SLC4A10: variants seen among roughly 807,000 people sequenced by gnomAD.
SLC4A10 encodes the protein solute carrier family 4 member 10.
Under a neutral mutation model 137.7 loss-of-function variants are expected in SLC4A10, and 42 were observed. The observed-to-expected ratio is 0.30, with a 90% CI of 0.24 to 0.39. The LOEUF (loss-of-function observed/expected upper bound fraction) is 0.39. Ranked by LOEUF, SLC4A10 falls within the 10% of genes least tolerant of loss-of-function variation. The pLI, the probability that SLC4A10 is intolerant of heterozygous loss-of-function variation, is 1.00. For missense variants in SLC4A10, 925 were observed against 1,355.0 expected (o/e 0.68, Z 4.98); for synonymous variants, 474 against 464.1 (o/e 1.02, Z -0.27).
chr2:161,925,743 T>G (rs1688955590), intron 15 of SLC4A10, among the ~76,000 whole-genome samples: 1 of 152,174 alleles, frequency 6.6e-6, no homozygotes, highest in Admixed American at 6.5e-5. Context: ...GAGATTCTGG[T>G]ATGTTGTGTC....
chr2:161,726,057 G>A (rs1029563775), intron 1 of SLC4A10, among the ~76,000 whole-genome samples: 2 of 152,106 alleles, frequency 1.3e-5, no homozygotes, highest in Admixed American at 1.3e-4. Flanking sequence ...TAAATGATTA[G>A]TAAGTATCAT....
intron 1 of SLC4A10, among the ~76,000 whole-genome samples, chr2:161,743,676 G>A (rs186821736): frequency 2.5e-4 from 38 of 152,050 alleles, no homozygotes; most frequent in African/African-American, 7.5e-4. Flanking sequence ...TGTGGAGAAT[G>A]TCATTGGTAT....
chr2:161,640,195 AT>A (rs1236806067), intron 1 of SLC4A10, among the ~76,000 whole-genome samples: 4 of 151,996 alleles, frequency 2.6e-5, no homozygotes, highest in African/African-American at 9.7e-5. Flanking sequence ...GCTCAGATTG[AT>A]TGTTTCATCT....
rs189742927 is a variant in SLC4A10 at position 161,790,447 on chromosome 2, C to A, written c.131-14002C>A. On this transcript the variant is annotated intron_variant, in intron 2 of 26. Coordinates refer to ENST00000446997, the MANE Select transcript of SLC4A10 (RefSeq NM_001178015.2). Reference sequence around the variant, plus strand: ...TATTATTAGTTGATTAATTTTTGTGCAACTTAGTAGTGTTGATATAGGATC... The same window carrying A: ...TATTATTAGTTGATTAATTTTTGTGAAACTTAGTAGTGTTGATATAGGATC... Among the ~76,000 whole-genome samples the A allele has an allele frequency of 5.9e-5, 9 of 152,154 alleles. No homozygotes were observed. In the East Asian group the frequency reaches 1.7e-3, roughly 29 times the overall value.
At chr2:161,962,834 A>C (rs1696956216) in intron 21 of SLC4A10, among the ~76,000 whole-genome samples, 1 of 152,148 alleles carries the variant, frequency 6.6e-6, no homozygotes, top group South Asian at 2.1e-4. Context: ...GTCTTGGTAA[A>C]ACAGGGTGTT....
chr2:161,696,474 G>A (rs1296395719), intron 1 of SLC4A10, among the ~76,000 whole-genome samples: 75 of 73,820 alleles, frequency 1.0e-3, no homozygotes, highest in Middle Eastern at 0.015. Flanking sequence ...CCCCACAACA[G>A]TCCCCAGAGT....
At chr2:161,692,665 CA>C (rs1198928438) in intron 1 of SLC4A10, among the ~76,000 whole-genome samples, 1 of 152,006 alleles carries the variant, frequency 6.6e-6, no homozygotes, top group Non-Finnish European at 1.5e-5. Flanking sequence ...AGGCAGGTCA[CA>C]GGGGCAAATG....
At chr2:161,690,288 A>T (rs770786627) in intron 1 of SLC4A10, among the ~76,000 whole-genome samples, 1 of 152,152 alleles carries the variant, frequency 6.6e-6, no homozygotes, top group Non-Finnish European at 1.5e-5. Context: ...TAAAACGTCA[A>T]GAAACAACAG....
intron 3 of SLC4A10, among the ~76,000 whole-genome samples, chr2:161,825,794 T>C (rs924094448): frequency 6.6e-6 from 1 of 152,188 alleles, no homozygotes; most frequent in African/African-American, 2.4e-5. Context: ...AATAAGTAAA[T>C]GTCAGACTCA....
intron 11 of SLC4A10, among the ~76,000 whole-genome samples, chr2:161,896,905 A>G (rs567064819): frequency 1.3e-5 from 2 of 152,114 alleles, no homozygotes; most frequent in Admixed American, 6.6e-5. Flanking sequence ...TAAAATTTTA[A>G]TAACAACATT....
intron 4 of SLC4A10, among the ~76,000 whole-genome samples, chr2:161,854,164 A>T (rs2125852212): frequency 6.6e-6 from 1 of 152,330 alleles, no homozygotes; most frequent in South Asian, 2.1e-4. Flanking sequence ...AAATGGTGAA[A>T]CTAAATTGGT....
intron 1 of SLC4A10, among the ~76,000 whole-genome samples, chr2:161,652,711 A>G (rs1291321595): frequency 1.3e-5 from 2 of 152,076 alleles, no homozygotes; most frequent in South Asian, 4.1e-4. Context: ...TTCAGTTTGC[A>G]TAACTGAGAT....
intron 23 of SLC4A10, among the ~76,000 whole-genome samples, chr2:161,973,125 C>A (rs1009946047): frequency 6.6e-6 from 1 of 152,116 alleles, no homozygotes; most frequent in Admixed American, 6.5e-5. Context: ...AGGAAATGAG[C>A]CTTCAGGGCC....
At chr2:161,841,685 G>C (rs767107521) in intron 4 of SLC4A10, among the ~76,000 whole-genome samples, 42 of 151,970 alleles carry the variant, frequency 2.8e-4, no homozygotes, top group African/African-American at 1.0e-3. Flanking sequence ...CACTAAAAAC[G>C]AGACAACCAA....
chr2:161,955,801 T>A (rs1309570075), intron 19 of SLC4A10, among the ~76,000 whole-genome samples: 1 of 152,152 alleles, frequency 6.6e-6, no homozygotes, highest in Non-Finnish European at 1.5e-5. Context: ...TAAAACTACC[T>A]CTAAAAAAGA....
intron 6 of SLC4A10, among the ~76,000 whole-genome samples, chr2:161,868,762 C>T (rs190076198): frequency 2.6e-5 from 4 of 151,590 alleles, no homozygotes; most frequent in East Asian, 3.9e-4. Context: ...TTTCCATTTA[C>T]GTTTAAATAG....
At chr2:161,881,584 T>C (rs2061785173) in intron 9 of SLC4A10, among the ~76,000 whole-genome samples, 2 of 152,046 alleles carry the variant, frequency 1.3e-5, no homozygotes, top group African/African-American at 4.8e-5. Flanking sequence ...ATTTAACAAA[T>C]TAACACCACA....
At chr2:161,696,133 A>G (rs1474893538) in intron 1 of SLC4A10, among the ~76,000 whole-genome samples, 2 of 151,336 alleles carry the variant, frequency 1.3e-5, no homozygotes, top group South Asian at 4.2e-4. Flanking sequence ...TCATTGTTCA[A>G]TTCCCACCTA....
chr2:161,684,814 A>G (rs1300788854), intron 1 of SLC4A10, among the ~76,000 whole-genome samples: 4 of 152,204 alleles, frequency 2.6e-5, no homozygotes, highest in African/African-American at 9.6e-5. Flanking sequence ...TTTAAGTTGA[A>G]TGCTTGGAAT....
Sources: allele counts gnomAD v4.1 joint callset (sites outside exome capture counted in the v4.1 genomes callset), GRCh38; gene constraint gnomAD v4.1.1; transcripts MANE v1.5; gene names NCBI Gene and HGNC (gene_info 2026-07-23, HGNC 2026-07-21).